Variants in COPG1 observed in about 807,000 individuals in gnomAD.
The protein encoded by COPG1 is coat protein complex I subunit gamma 1, also known as coatomer subunit gamma-1.
In COPG1, 29 loss-of-function variants were observed where a neutral mutation model predicts 102.8. The ratio of observed to expected loss-of-function variants is 0.28; its 90% CI spans 0.21 to 0.38. The LOEUF (loss-of-function observed/expected upper bound fraction) is 0.38. Ranked by LOEUF, COPG1 falls within the 10% of genes least tolerant of loss-of-function variation. COPG1 has a pLI of 1.00. For synonymous variants in COPG1, 406 were observed against 421.6 expected, an observed-to-expected ratio of 0.96 and a Z score of 0.45; for missense variants, 875 against 1,132.7, an observed-to-expected ratio of 0.77 and a Z score of 3.27.
intron 21 of COPG1, 40 bp downstream of exon 21, chr3:129,272,944 G>A (rs938755703): frequency 2.4e-6 from 3 of 1,234,884 alleles, no homozygotes; most frequent in African/African-American, 1.5e-5. Context: ...TTGTGCTGAG[G>A]CTGCAAAGCA....
At chr3:129,257,402 C>A in intron 8 of COPG1, 68 bp from the exon 9 acceptor site, 1 of 1,566,718 alleles carries the variant, frequency 6.4e-7, no homozygotes, top group Non-Finnish European at 8.8e-7. Context: ...AGGACCCACC[C>A]AGGGCCACAC....
In COPG1 at chr3:129,252,658, C is replaced by G; in HGVS notation, c.207C>G (p.Ala69=). The G allele has an allele frequency of 2.5e-6, 4 of 1,614,164 alleles. No homozygotes were observed. The highest frequency in any genetic ancestry group is 2.2e-5 in the East Asian group (1 of 44,886). Residue 69 remains alanine (A), a synonymous_variant, in exon 4 of 24, where the codon GCC becomes GCG. Coordinates refer to ENST00000314797, the MANE Select transcript of COPG1 (RefSeq NM_016128.4). ...TGGGGACCACGGAAGCGACCGAGGC[C>G]TTCTTTGCCATGACCAAGCTCTTTC... ...EHLGTTEATE[A]FFAMTKLFQS...
chr3:129,268,844 TA>T, intron 17 of COPG1, 87 bp from the exon 18 acceptor site: 1 of 1,301,652 alleles, frequency 7.7e-7, no homozygotes, highest in Non-Finnish European at 1.1e-6. Flanking sequence ...TTAGTATTTA[TA>T]ATCCCTGAGT....
chr3:129,249,825 C>A, intron 1 of COPG1, 79 bp downstream of exon 1: 1 of 1,474,432 alleles, frequency 6.8e-7, no homozygotes, highest in Non-Finnish European at 9.2e-7. Context: ...TGTCCTGACC[C>A]GGAGGCTGAG....
chr3:129,266,356 T>C (rs1368695512), intron 14 of COPG1, among the ~76,000 whole-genome samples: 3 of 152,056 alleles, frequency 2.0e-5, no homozygotes, highest in Non-Finnish European at 4.4e-5. Context: ...CACGAACTCC[T>C]GGGCTCAAGC....
At chr3:129,263,823 G>GGACT in intron 12 of COPG1, 81 bp from the exon 13 acceptor site, 1 of 1,185,952 alleles carries the variant, frequency 8.4e-7, no homozygotes, top group Non-Finnish European at 1.3e-6. Context: ...ACCTAAGGAA[G>GGACT]GACTCAGTGG....
intron 8 of COPG1, among the ~76,000 whole-genome samples, chr3:129,256,455 A>C (rs1297817380): frequency 2.0e-5 from 3 of 152,272 alleles, no homozygotes; most frequent in African/African-American, 7.2e-5. Flanking sequence ...CAAGGCAGGC[A>C]GAGGGCCGCC....
chr3:129,267,939 G>A lies in COPG1; in HGVS notation c.1547G>A (p.Cys516Tyr). The A allele has an allele frequency of 6.2e-7, 1 of 1,613,812 alleles. No individual in the cohort carries two copies. The highest frequency in any genetic ancestry group is 1.1e-5 in the South Asian group (1 of 91,054). ...ACCACCTTGTGTCCTGGCTGCAGGTGTGTGATGGATGATGACAATGAAGTA... is the reference window on the plus strand; with the variant it reads ...ACCACCTTGTGTCCTGGCTGCAGGTATGTGATGGATGATGACAATGAAGTA... Reference protein sequence around the residue: ...LPSILVLLKRCVMDDDNEVRD... With the variant: ...LPSILVLLKRYVMDDDNEVRD... Residue 516 changes from cysteine to tyrosine, a missense_variant and splice_region_variant, in exon 16 of 24, where the codon TGT becomes TAT. By Grantham distance (194) the Cys-to-Tyr change is radical (BLOSUM62 -2). Transcript: ENST00000314797.
At chr3:129,262,866 A>T (rs950525992) in intron 12 of COPG1, among the ~76,000 whole-genome samples, 19 of 151,912 alleles carry the variant, frequency 1.3e-4, no homozygotes, top group African/African-American at 1.9e-4. Context: ...TAAAAAAATT[A>T]AAAAATTAGC....
At chr3:129,274,091 C>T (rs1480159030) in intron 21 of COPG1, 9 of 455,794 alleles carry the variant, frequency 2.0e-5, no homozygotes, top group Non-Finnish European at 2.2e-5. Context: ...GATGGACCTT[C>T]CTTGAGCTGG....
At chr3:129,267,534 T>C (rs1322810200) in intron 15 of COPG1, among the ~76,000 whole-genome samples, 4 of 152,018 alleles carry the variant, frequency 2.6e-5, no homozygotes, top group African/African-American at 4.8e-5. Context: ...GGCAGGAGAA[T>C]GGTGTGAACC....
At position 129,277,590 on chromosome 3, in the gene COPG1, C is replaced by A; in HGVS notation, c.*166C>A. On this transcript the variant is annotated 3_prime_UTR_variant, in exon 24 of 24. Coordinates refer to ENST00000314797, the MANE Select transcript of COPG1 (RefSeq NM_016128.4). The stretch of plus-strand genomic sequence containing the variant: ...TGCTCCCACCTCCCACCCGGGACTA[C>A]TTGCTGGTGACTTTTTTTTTTTTTT... 7 of 491,884 alleles carry A rather than the reference C, an allele frequency of 1.4e-5. No individual in the cohort carries two copies. Among genetic ancestry groups the A allele is most frequent in the Non-Finnish European group, 2.1e-5 (6 of 290,974 alleles). 30.5% of individuals were successfully genotyped at this position (491,884 alleles called of 1,614,324 possible).
chr3:129,268,328 T>G (rs1156712487), intron 16 of COPG1, among the ~76,000 whole-genome samples, 167 bp from the exon 17 acceptor site: 1 of 152,220 alleles, frequency 6.6e-6, no homozygotes, highest in East Asian at 1.9e-4. Flanking sequence ...ACACCTACCC[T>G]GTAAGGGAGG....
intron 15 of COPG1, 151 bp from the exon 16 acceptor site, chr3:129,267,786 G>A: frequency 1.6e-6 from 1 of 621,198 alleles, no homozygotes; most frequent in Admixed American, 2.7e-5. Context: ...GTTCATGAGT[G>A]TGGCCTCTCC....
In COPG1 at chr3:129,272,193, C is replaced by T. The variant is rs116159732; in HGVS notation, c.1987-51C>T. ...GGACCTCCTGGCTTTTCCTCTGCAG[C>T]ATGGCTCGGACCTAGTGCAATGTTT... is the stretch of plus-strand genomic sequence containing the variant. On this transcript the variant is annotated intron_variant, in intron 19 of 23. Coordinates refer to ENST00000314797, the MANE Select transcript of COPG1 (RefSeq NM_016128.4). 1.7e-3 allele frequency: 2,588 copies of T among 1,534,592 alleles called. 36 individuals are homozygous for T. In the African/African-American group the frequency reaches 0.031, roughly 18 times the overall value.
Position 129,271,813 on chromosome 3 carries a change from C to A in COPG1, c.1890C>A (p.Phe630Leu). The A allele has an allele frequency of 1.2e-6, 2 of 1,614,248 alleles. No homozygotes were observed. Among genetic ancestry groups the A allele is most frequent in the Non-Finnish European group, 1.7e-6 (2 of 1,180,046 alleles). The change falls in exon 19 of 24, where the codon TTC (phenylalanine) becomes TTA (leucine). Residue 630 changes from phenylalanine (F) to leucine (L), a missense_variant. Coordinates refer to ENST00000314797, the MANE Select transcript of COPG1 (RefSeq NM_016128.4). The surrounding 1 kb of genome is among the most constrained non-coding windows in gnomAD (Gnocchi z 4.7). ...AGTTCCGCGGTCTTGGGCCCCTCTT[C>A]AAGTCCTCGCCTGAGCCCGTGGCCC... ...VPEFRGLGPLFKSSPEPVALT... is the reference protein window; with the variant it reads ...VPEFRGLGPLLKSSPEPVALT...
At chr3:129,270,116 T>C (rs1940156774) in intron 18 of COPG1, among the ~76,000 whole-genome samples, 2 of 150,010 alleles carry the variant, frequency 1.3e-5, no homozygotes, top group African/African-American at 4.9e-5. Flanking sequence ...TGGCCCCCCC[T>C]GGATAATCCA....
intron 16 of COPG1, among the ~76,000 whole-genome samples, chr3:129,268,286 T>A (rs944318309): frequency 4.6e-5 from 7 of 152,224 alleles, no homozygotes; most frequent in African/African-American, 1.7e-4. Flanking sequence ...CTTTACCCTT[T>A]ACAAGTCACT....
Position 129,277,504 on chromosome 3 carries a change from C to A in COPG1, c.*80C>A, listed in dbSNP as rs958109142. 3 of 1,457,432 alleles carry A rather than the reference C, an allele frequency of 2.1e-6. No individual in the cohort carries two copies. Among genetic ancestry groups the A allele is most frequent in the Non-Finnish European group, 1.9e-6 (2 of 1,058,620 alleles). 90.3% of individuals were successfully genotyped at this position (1,457,432 alleles called of 1,614,324 possible). A position where few individuals can be genotyped will look rare whatever the true frequency, so the allele number is the denominator to read the frequency against. On this transcript the variant is annotated 3_prime_UTR_variant, in exon 24 of 24. Transcript: ENST00000314797. The stretch of plus-strand genomic sequence containing the variant: ...GCCTTCCTCATGAAACTGGCAGAAA[C>A]CCCTTCCCAAGCTTCTGTATTGAAA...
Sources: allele counts gnomAD v4.1 joint callset (sites outside exome capture counted in the v4.1 genomes callset), GRCh38; gene constraint gnomAD v4.1.1; non-coding constraint Gnocchi (gnomAD v3.1); transcripts MANE v1.5; gene names NCBI Gene and HGNC (gene_info 2026-07-23, HGNC 2026-07-21).